The following MSH4 variants were observed in gnomAD, a reference collection of about 807,000 sequenced individuals.
The protein encoded by MSH4 is mutS homolog 4, also known as mutS protein homolog 4.
MSH4 carries 106 observed loss-of-function variants against 113.7 expected under a neutral mutation model. That is an observed-to-expected ratio of 0.93 (90% CI 0.80 to 1.10). The LOEUF is 1.10. Among genes scored for constraint, MSH4 ranks in the 50% least tolerant of loss-of-function variants. The pLI, the probability that MSH4 is intolerant of heterozygous loss-of-function variation, is 0.00. For missense variants in MSH4, 1,061 were observed against 1,093.7 expected, an observed-to-expected ratio of 0.97 and a Z score of 0.42; for synonymous variants, 368 against 380.2, an observed-to-expected ratio of 0.97 and a Z score of 0.37.
chr1:75,887,001 A>T (rs1044680128), intron 15 of MSH4, among the ~76,000 whole-genome samples: 1 of 151,684 alleles, frequency 6.6e-6, no homozygotes, highest in African/African-American at 2.4e-5. Context: ...ATAGGTATTG[A>T]ATTTCTATAA....
At chr1:75,825,965 G>A (rs1308041598) in intron 7 of MSH4, among the ~76,000 whole-genome samples, 1 of 152,168 alleles carries the variant, frequency 6.6e-6, no homozygotes, top group Non-Finnish European at 1.5e-5. Context: ...GAATCAGGAT[G>A]ATACTGCCCT....
At chr1:75,797,287 G>A in intron 1 of MSH4, 58 bp downstream of exon 1, 3 of 1,544,674 alleles carry the variant, frequency 1.9e-6, no homozygotes, top group Non-Finnish European at 2.6e-6. Context: ...AGTTCATGGA[G>A]GCTCGGGGGC....
At chr1:75,825,190 G>T (rs973805122) in intron 7 of MSH4, among the ~76,000 whole-genome samples, 19 of 152,004 alleles carry the variant, frequency 1.2e-4, no homozygotes, top group Non-Finnish European at 2.2e-4. Flanking sequence ...TCCCTTGTAA[G>T]TTGTATTCCT....
intron 7 of MSH4, among the ~76,000 whole-genome samples, chr1:75,839,570 G>A (rs535588397): frequency 5.8e-4 from 88 of 152,196 alleles, no homozygotes; most frequent in Non-Finnish European, 1.0e-3. Flanking sequence ...CAGGGCATAG[G>A]GCAGAGTGGG....
chr1:75,816,808 A>G (rs1392801632), intron 6 of MSH4, among the ~76,000 whole-genome samples: 1 of 151,900 alleles, frequency 6.6e-6, no homozygotes, highest in Non-Finnish European at 1.5e-5. Context: ...TCTATTTTTA[A>G]TAGAGACAGG....
At chr1:75,910,348 G>A (rs1652762840) in intron 19 of MSH4, among the ~76,000 whole-genome samples, 1 of 151,934 alleles carries the variant, frequency 6.6e-6, no homozygotes, top group African/African-American at 2.4e-5. Flanking sequence ...TCTTGGCTAT[G>A]TGGAATTATT....
intron 8 of MSH4, among the ~76,000 whole-genome samples, chr1:75,854,499 T>A (rs1651273103): frequency 6.6e-6 from 1 of 152,160 alleles, no homozygotes; most frequent in African/African-American, 2.4e-5. Context: ...CTCCTGTTGT[T>A]CATATTCAGG....
chr1:75,826,158 G>C (rs1031039440), intron 7 of MSH4, among the ~76,000 whole-genome samples: 9 of 152,028 alleles, frequency 5.9e-5, no homozygotes, highest in Non-Finnish European at 1.2e-4. Context: ...TATTGGTCTA[G>C]TCACAGATTC....
In MSH4 at chr1:75,912,674, A is replaced by G; in HGVS notation, c.2620-22A>G. On this transcript the variant is annotated intron_variant, in intron 19 of 19. Coordinates refer to ENST00000263187, the MANE Select transcript of MSH4 (RefSeq NM_002440.4). ...ATGGTATTTGTGTATATATATATAT[A>G]TTTTTTTTTTTTCAATGACAGCAAA... 5.9e-6 allele frequency: 4 copies of G among 683,738 alleles called. No homozygotes were observed. The South Asian group carries it at 1.3e-4, about 22-fold the overall frequency. 42.4% of individuals were successfully genotyped at this position (683,738 alleles called of 1,614,324 possible). A position where few individuals can be genotyped will look rare whatever the true frequency, so the allele number is the denominator to read the frequency against.
At chr1:75,874,890 G>GTATT (rs1002428839) in intron 9 of MSH4, among the ~76,000 whole-genome samples, 2 of 152,004 alleles carry the variant, frequency 1.3e-5, no homozygotes, top group Non-Finnish European at 2.9e-5. Context: ...GTTAAAGTTT[G>GTATT]TATTTATTTA....
intron 17 of MSH4, among the ~76,000 whole-genome samples, chr1:75,893,086 A>G (rs1652295439): frequency 6.6e-6 from 1 of 152,220 alleles, no homozygotes; most frequent in Admixed American, 6.5e-5. Context: ...TCACTTCCTC[A>G]CTGCTTCCAA....
At chr1:75,863,230 C>T (rs1212494736) in intron 8 of MSH4, among the ~76,000 whole-genome samples, 1 of 151,976 alleles carries the variant, frequency 6.6e-6, no homozygotes, top group Admixed American at 6.6e-5. Context: ...ATAAGAATTA[C>T]AGCTCTGATC....
At chr1:75,818,492 G>A (rs1034276935) in intron 6 of MSH4, among the ~76,000 whole-genome samples, 3 of 152,070 alleles carry the variant, frequency 2.0e-5, no homozygotes, top group Non-Finnish European at 4.4e-5. Context: ...CAATAATAGT[G>A]CCTATCTCAT....
intron 9 of MSH4, among the ~76,000 whole-genome samples, chr1:75,870,125 G>T (rs559395258): frequency 1.3e-5 from 2 of 152,320 alleles, no homozygotes; most frequent in East Asian, 3.9e-4. Flanking sequence ...TCATTTTGGA[G>T]CTTTTAGGTT....
At chr1:75,806,296 A>G (rs1197712866) in intron 2 of MSH4, among the ~76,000 whole-genome samples, 26 of 114,886 alleles carry the variant, frequency 2.3e-4, no homozygotes, top group African/African-American at 5.5e-4. Flanking sequence ...AGCCCAGGCT[A>G]GAGTGCAGTG....
At chr1:75,828,191 G>C (rs992456424) in intron 7 of MSH4, among the ~76,000 whole-genome samples, 3 of 152,134 alleles carry the variant, frequency 2.0e-5, no homozygotes, top group Admixed American at 2.0e-4. Flanking sequence ...AGAAGGAAAT[G>C]CTCATACATT....
At chr1:75,802,346 A>G (rs1030578914) in intron 1 of MSH4, among the ~76,000 whole-genome samples, 8 of 152,226 alleles carry the variant, frequency 5.3e-5, no homozygotes, top group African/African-American at 1.4e-4. Flanking sequence ...GCTTAAAAGT[A>G]TGAAGCCCTG....
intron 7 of MSH4, among the ~76,000 whole-genome samples, chr1:75,840,706 G>T (rs1207382204): frequency 1.4e-5 from 2 of 142,458 alleles, no homozygotes; most frequent in African/African-American, 4.9e-5. Flanking sequence ...TAAAATATAA[G>T]AATCTAAACC....
chr1:75,894,742 A>G (rs1652333504), intron 17 of MSH4, among the ~76,000 whole-genome samples: 1 of 152,216 alleles, frequency 6.6e-6, no homozygotes. Flanking sequence ...GCCTGTGCTC[A>G]TGGAATTCAC....
Sources: allele counts gnomAD v4.1 joint callset (sites outside exome capture counted in the v4.1 genomes callset), GRCh38; gene constraint gnomAD v4.1.1; transcripts MANE v1.5; gene names NCBI Gene and HGNC (gene_info 2026-07-23, HGNC 2026-07-21).